MAGI2: variants seen among roughly 807,000 people sequenced by gnomAD.
The protein encoded by MAGI2 is membrane-associated guanylate kinase, WW and PDZ domain-containing protein 2.
Under a neutral mutation model 133.3 loss-of-function variants are expected in MAGI2, and 35 were observed. The observed-to-expected ratio is 0.26, with a 90% CI of 0.20 to 0.35. MAGI2 has a LOEUF of 0.35. Ranked by LOEUF, MAGI2 falls within the 10% of genes least tolerant of loss-of-function variation. The pLI, the probability that MAGI2 is intolerant of heterozygous loss-of-function variation, is 1.00. For synonymous variants in MAGI2, 729 were observed against 710.6 expected, an observed-to-expected ratio of 1.03 and a Z score of -0.41; for missense variants, 1,636 against 1,863.4, an observed-to-expected ratio of 0.88 and a Z score of 2.25.
chr7:78,080,958 C>T (rs1007869219), intron 20 of MAGI2, among the ~76,000 whole-genome samples: 10 of 152,338 alleles, frequency 6.6e-5, no homozygotes, highest in East Asian at 3.9e-4. Flanking sequence ...CCCTGTCCCT[C>T]TCCCGCCAAC....
chr7:78,079,232 C>T, intron 20 of MAGI2, 147 bp from the exon 21 acceptor site: 1 of 739,182 alleles, frequency 1.4e-6, no homozygotes, highest in Non-Finnish European at 2.3e-6. Context: ...GAGGCTATTC[C>T]CTGGCTGCAT....
chr7:78,390,684 T>A (rs1019481609), intron 6 of MAGI2, among the ~76,000 whole-genome samples: 3 of 151,784 alleles, frequency 2.0e-5, no homozygotes, highest in Non-Finnish European at 4.4e-5. Flanking sequence ...GAAAAAGGAG[T>A]ATTTAACTTC....
chr7:79,197,282 G>A (rs1331907121), intron 1 of MAGI2, among the ~76,000 whole-genome samples: 1 of 151,774 alleles, frequency 6.6e-6, no homozygotes, highest in East Asian at 1.9e-4. Context: ...AAGTGAGTTT[G>A]GTATTAATGT....
intron 1 of MAGI2, among the ~76,000 whole-genome samples, chr7:79,026,944 A>G (rs1809953253): frequency 1.5e-5 from 2 of 131,082 alleles, no homozygotes; most frequent in African/African-American, 5.7e-5. Context: ...CAAATGACCA[A>G]AAGACATATT....
intron 6 of MAGI2, among the ~76,000 whole-genome samples, chr7:78,431,074 CTG>C (rs147567944): frequency 0.046 from 6,737 of 145,682 alleles, 464 homozygotes; most frequent in African/African-American, 0.15. Context: ...GTGAGGTAGG[CTG>C]TGTGTGTGTG....
At chr7:78,978,738 A>G (rs1804515123) in intron 2 of MAGI2, among the ~76,000 whole-genome samples, 1 of 151,918 alleles carries the variant, frequency 6.6e-6, no homozygotes, top group Admixed American at 6.6e-5. Flanking sequence ...CAACATCTTC[A>G]CTGAAGAGAT....
At chr7:78,309,898 A>C (rs948777974) in intron 9 of MAGI2, among the ~76,000 whole-genome samples, 1 of 152,148 alleles carries the variant, frequency 6.6e-6, no homozygotes, top group South Asian at 2.1e-4. Context: ...ATAAAATAAA[A>C]TATTCTACAT....
intron 2 of MAGI2, among the ~76,000 whole-genome samples, chr7:78,634,668 T>C (rs1488761702): frequency 1.3e-5 from 2 of 152,194 alleles, no homozygotes; most frequent in African/African-American, 4.8e-5. Flanking sequence ...CTGAAATAAT[T>C]ACAGTTGCTT....
At chr7:78,070,474 A>G (rs1017016182) in intron 21 of MAGI2, among the ~76,000 whole-genome samples, 180 of 145,918 alleles carry the variant, frequency 1.2e-3, no homozygotes, top group Non-Finnish European at 2.3e-3. Flanking sequence ...ATATGTGTGT[A>G]TATATATGTG....
intron 2 of MAGI2, among the ~76,000 whole-genome samples, chr7:78,832,145 C>G (rs1241676157): frequency 6.7e-6 from 1 of 149,618 alleles, no homozygotes; most frequent in East Asian, 2.0e-4. Flanking sequence ...TAAAGCTGCT[C>G]AAAGTATTCT....
intron 10 of MAGI2, among the ~76,000 whole-genome samples, chr7:78,202,341 T>C (rs2150763288): frequency 1.3e-5 from 2 of 152,222 alleles, no homozygotes; most frequent in East Asian, 3.9e-4. Context: ...AAATACTAAT[T>C]GCACCACAAT....
chr7:79,310,973 T>C (rs1376419348), intron 1 of MAGI2, among the ~76,000 whole-genome samples: 3 of 151,618 alleles, frequency 2.0e-5, no homozygotes, highest in Non-Finnish European at 4.4e-5. Context: ...CACACCCCTC[T>C]CCATTTCACT....
chr7:78,199,710 C>T (rs1383079434), intron 11 of MAGI2, among the ~76,000 whole-genome samples: 2 of 152,134 alleles, frequency 1.3e-5, no homozygotes, highest in African/African-American at 2.4e-5. Flanking sequence ...TTGTCTATGC[C>T]GTGGAAGTCC....
Position 78,076,896 on chromosome 7 carries a change from T to C in MAGI2, c.3706+2051A>G, listed in dbSNP as rs529716786. Among the ~76,000 whole-genome samples the C allele has an allele frequency of 3.5e-5, 5 of 144,866 alleles. No individual in the cohort carries two copies. The East Asian group carries it at 5.9e-4, about 17-fold the overall frequency. On this transcript the variant is annotated intron_variant, in intron 21 of 21. Transcript: ENST00000354212. Reference sequence around the variant, plus strand: ...AAAAAAAAAAGAATTAATGAAATAATGTTGACACGATCTTGAATTTTTGTC... The same window carrying C: ...AAAAAAAAAAGAATTAATGAAATAACGTTGACACGATCTTGAATTTTTGTC...
chr7:78,294,691 A>C (rs1418484398), intron 9 of MAGI2, among the ~76,000 whole-genome samples: 1 of 152,156 alleles, frequency 6.6e-6, no homozygotes, highest in Non-Finnish European at 1.5e-5. Flanking sequence ...CCAACCAAGC[A>C]GCCAACCAAC....
intron 3 of MAGI2, among the ~76,000 whole-genome samples, chr7:78,611,860 T>C (rs1322453939): frequency 1.3e-5 from 2 of 152,294 alleles, no homozygotes; most frequent in Admixed American, 1.3e-4. Flanking sequence ...CTGAATCCAC[T>C]CTGTCCTAGC....
intron 20 of MAGI2, among the ~76,000 whole-genome samples, chr7:78,119,395 C>T (rs1178737148): frequency 6.6e-6 from 1 of 151,696 alleles, no homozygotes; most frequent in East Asian, 1.9e-4. Context: ...CCCGTCTCTA[C>T]TAAAAGTACA....
At chr7:79,117,388 G>T (rs910976955) in intron 1 of MAGI2, among the ~76,000 whole-genome samples, 1 of 151,978 alleles carries the variant, frequency 6.6e-6, no homozygotes, top group Admixed American at 6.6e-5. Flanking sequence ...GTGTTAATTT[G>T]TAGGAAAAAA....
chr7:78,038,026 C>A (rs964997803), intron 21 of MAGI2, among the ~76,000 whole-genome samples: 8 of 152,144 alleles, frequency 5.3e-5, no homozygotes, highest in African/African-American at 1.9e-4. Flanking sequence ...GCCTCTCTTC[C>A]CACCTTGTCC....
Sources: allele counts gnomAD v4.1 joint callset (sites outside exome capture counted in the v4.1 genomes callset), GRCh38; gene constraint gnomAD v4.1.1; transcripts MANE v1.5; gene names NCBI Gene and HGNC (gene_info 2026-07-23, HGNC 2026-07-21).